The following TAB2 variants were observed in gnomAD, a reference collection of about 807,000 sequenced individuals.
TAB2 encodes TGF-beta-activated kinase 1 and MAP3K7-binding protein 2.
In TAB2, 3 loss-of-function variants were observed where a neutral mutation model predicts 65.0. That is an observed-to-expected ratio of 0.05 (90% CI 0.02 to 0.12). The LOEUF is 0.12. Ranked by LOEUF, TAB2 falls within the 10% of genes least tolerant of loss-of-function variation. The pLI is 1.00. For missense variants in TAB2, 623 were observed against 840.3 expected (o/e 0.74, Z 3.20); for synonymous variants, 298 against 285.1 (o/e 1.05, Z -0.46).
chr6:149,232,284 G>A (rs1393097611), intron 1 of TAB2, among the ~76,000 whole-genome samples: 1 of 152,192 alleles, frequency 6.6e-6, no homozygotes, highest in African/African-American at 2.4e-5. Flanking sequence ...CTGGAGTGCA[G>A]TGGCACCATC....
At position 149,318,278 on chromosome 6, in the gene TAB2, G is replaced by T. The variant is rs558875233; in HGVS notation, c.-90+263G>T. ...TGGGCTCCGGGGCGTCCGTGCGGGG[G>T]GGGAGGGGGAGCTTCATTGGAATCG... On this transcript the variant is annotated intron_variant, in intron 1 of 6. Transcript: ENST00000637181. 2.8e-4 allele frequency among the ~76,000 whole-genome samples: 42 copies of T among 151,878 alleles called. No homozygotes were observed. The South Asian group carries it at 3.3e-3, about 12-fold the overall frequency.
chr6:149,241,595 T>C (rs1404958550), intron 1 of TAB2, among the ~76,000 whole-genome samples: 2 of 152,120 alleles, frequency 1.3e-5, no homozygotes, highest in African/African-American at 2.4e-5. Flanking sequence ...TGGGTAGAAA[T>C]ATGACGAAAA....
chr6:149,308,580 T>G (rs529498542), intron 1 of TAB2, among the ~76,000 whole-genome samples: 2 of 152,006 alleles, frequency 1.3e-5, no homozygotes, highest in Non-Finnish European at 2.9e-5. Flanking sequence ...CAGGCTGGAG[T>G]GCAGTGGCAC....
At chr6:149,299,878 C>T (rs1778941168) in intron 1 of TAB2, among the ~76,000 whole-genome samples, 2 of 151,318 alleles carry the variant, frequency 1.3e-5, no homozygotes, top group African/African-American at 4.9e-5. Context: ...CATGGCGGTT[C>T]GTACCTGTAG....
chr6:149,245,884 C>T (rs1259673262), intron 1 of TAB2, among the ~76,000 whole-genome samples: 2 of 152,228 alleles, frequency 1.3e-5, no homozygotes, highest in Non-Finnish European at 2.9e-5. Context: ...ATACATTTCT[C>T]CCTCCTCTGC....
chr6:149,222,564 A>G (rs1179424131), intron 1 of TAB2, among the ~76,000 whole-genome samples: 4 of 151,412 alleles, frequency 2.6e-5, no homozygotes. Context: ...GTTGCACTGA[A>G]CTGAGATCAT....
chr6:149,342,152 A>G (rs1780150082), intron 1 of TAB2, among the ~76,000 whole-genome samples: 1 of 152,184 alleles, frequency 6.6e-6, no homozygotes, highest in South Asian at 2.1e-4. Flanking sequence ...CTCTTTAAGA[A>G]TTACCAAGTA....
chr6:149,225,830 G>C (rs1314741406), intron 1 of TAB2, among the ~76,000 whole-genome samples: 2 of 151,982 alleles, frequency 1.3e-5, no homozygotes, highest in Non-Finnish European at 2.9e-5. Flanking sequence ...GGAAATAACA[G>C]ACTAAAACAT....
intron 1 of TAB2, among the ~76,000 whole-genome samples, chr6:149,292,346 G>A (rs1778792842): frequency 6.6e-6 from 1 of 152,190 alleles, no homozygotes; most frequent in South Asian, 2.1e-4. Flanking sequence ...AGGAGTGCAT[G>A]TGAACTAAAC....
At chr6:149,361,933 CTT>C (rs1299204456) in intron 1 of TAB2, among the ~76,000 whole-genome samples, 2 of 152,346 alleles carry the variant, frequency 1.3e-5, no homozygotes, top group East Asian at 3.9e-4. Context: ...ACAAGGCTGA[CTT>C]TGCTCTGGTT....
In TAB2 at chr6:149,218,669, G is replaced by A; in HGVS notation, c.-228G>A. 1.6e-5 allele frequency: 7 copies of A among 439,072 alleles called. No homozygotes were observed. The Middle Eastern group carries it at 1.7e-3, about 105-fold the overall frequency. The allele number at this position is 439,072 out of a possible 1,614,324, so 27.2% of individuals were successfully genotyped here. A position where few individuals can be genotyped will look rare whatever the true frequency, so the allele number is the denominator to read the frequency against. The stretch of plus-strand genomic sequence containing the variant: ...GAGGTGAACTCCTTCAGGGCCACAG[G>A]CTGTAAAGATCTAAACACCATCTGA... On this transcript the variant is annotated 5_prime_UTR_variant, in exon 1 of 2. Coordinates refer to the TAB2 transcript ENST00000606202.
In TAB2 at chr6:149,289,896, G is replaced by A. The variant is rs1469789472; in HGVS notation, c.-121+71120G>A. ...ACAACTGGAAACATGTGGGGTGTGG[G>A]CGTGGGGGGCACAGTGGCAGCAGGG... On this transcript the variant is annotated intron_variant, in intron 1 of 1. Transcript: ENST00000606202. Among the ~76,000 whole-genome samples, 5 of 152,140 alleles carry A rather than the reference G, an allele frequency of 3.3e-5. No individual in the cohort carries two copies. The East Asian group carries it at 7.7e-4, about 23-fold the overall frequency.
At chr6:149,406,874 C>T (rs747593022) in intron 6 of TAB2, among the ~76,000 whole-genome samples, 4 of 152,188 alleles carry the variant, frequency 2.6e-5, no homozygotes, top group African/African-American at 9.6e-5. Context: ...TGCGCCACCA[C>T]GCCCAGCTAA....
chr6:149,300,860 C>T (rs1778958049), intron 1 of TAB2, among the ~76,000 whole-genome samples: 1 of 152,232 alleles, frequency 6.6e-6, no homozygotes. Flanking sequence ...GTATCCTAGT[C>T]TCTGCATCCT....
chr6:149,352,159 T>G (rs1780513530), intron 1 of TAB2, among the ~76,000 whole-genome samples: 1 of 152,214 alleles, frequency 6.6e-6, no homozygotes, highest in Non-Finnish European at 1.5e-5. Context: ...AAGTTAGATC[T>G]CTGGGAATTT....
chr6:149,286,261 A>C (rs1364134358), intron 1 of TAB2, among the ~76,000 whole-genome samples: 1 of 152,252 alleles, frequency 6.6e-6, no homozygotes, highest in Non-Finnish European at 1.5e-5. Flanking sequence ...TATGCACAGA[A>C]TATGAAAAAC....
Position 149,410,365 on chromosome 6 carries a change from T to G in TAB2, c.*646T>G, listed in dbSNP as rs955510443. 2 of 153,348 alleles carry G rather than the reference T, an allele frequency of 1.3e-5. No individual in the cohort carries two copies. Among genetic ancestry groups the G allele is most frequent in the African/African-American group, 4.8e-5 (2 of 41,462 alleles). The allele number at this position is 153,348 out of a possible 1,614,324, so 9.5% of individuals were successfully genotyped here. A position where few individuals can be genotyped will look rare whatever the true frequency, so the allele number is the denominator to read the frequency against. On this transcript the variant is annotated 3_prime_UTR_variant, in exon 7 of 7. Coordinates refer to ENST00000637181, the MANE Select transcript of TAB2 (RefSeq NM_001292034.3). ...CAAAGCTTTTCCTACTGTACAGATC[T>G]CTCGAGTCTGCTTTAAGTGATTTCT...
intron 1 of TAB2, among the ~76,000 whole-genome samples, chr6:149,283,206 G>C (rs1000409168): frequency 6.6e-6 from 1 of 152,226 alleles, no homozygotes; most frequent in Non-Finnish European, 1.5e-5. Flanking sequence ...TGCTGAGTGA[G>C]TGTAGAAAGT....
rs3064238 is a variant in TAB2 at position 149,219,306 on chromosome 6, T to TTGTGTGTGTGTG, written c.-121+556_-121+567dup. On this transcript the variant is annotated intron_variant, in intron 1 of 1. Coordinates refer to the TAB2 transcript ENST00000606202. ...TACCAAGTGTTTCATATTTTAACATTTGTGTGTGTGTGTGTGTGTGTGTGT... is the reference window on the plus strand; with the variant it reads ...TACCAAGTGTTTCATATTTTAACATTTGTGTGTGTGTGTGTGTGTGTGTGTGTGTGTGTGTGT... Among the ~76,000 whole-genome samples the TTGTGTGTGTGTG allele has an allele frequency of 1.7e-3, 244 of 146,212 alleles. 3 individuals carry two copies. Among genetic ancestry groups the TTGTGTGTGTGTG allele is most frequent in the South Asian group, 5.1e-3 (23 of 4,544 alleles).
Sources: allele counts gnomAD v4.1 joint callset (sites outside exome capture counted in the v4.1 genomes callset), GRCh38; gene constraint gnomAD v4.1.1; transcripts MANE v1.5; gene names NCBI Gene and HGNC (gene_info 2026-07-23, HGNC 2026-07-21).